The following SNX13 variants were observed in gnomAD, a reference collection of about 807,000 sequenced individuals.
SNX13 encodes sorting nexin 13.
SNX13 carries 45 observed loss-of-function variants against 133.6 expected under a neutral mutation model. The ratio of observed to expected loss-of-function variants is 0.34; its 90% CI spans 0.27 to 0.43. The LOEUF is 0.43. Ranked by LOEUF, SNX13 falls within the 20% of genes least tolerant of loss-of-function variation. The pLI is 1.00. For missense variants in SNX13, 1,032 were observed against 1,145.1 expected (o/e 0.90, Z 1.43); for synonymous variants, 414 against 373.9 (o/e 1.11, Z -1.24).
chr7:17,886,726 T>C (rs1004424084), intron 5 of SNX13, among the ~76,000 whole-genome samples: 5 of 152,178 alleles, frequency 3.3e-5, no homozygotes, highest in Non-Finnish European at 5.9e-5. Context: ...TACACTATCC[T>C]TATCTTCTTT....
At chr7:17,873,473 A>T (rs1402354152) in intron 8 of SNX13, 55 bp downstream of exon 8, 6 of 1,267,340 alleles carry the variant, frequency 4.7e-6, no homozygotes, top group Non-Finnish European at 5.2e-6. Flanking sequence ...AAAATTTTGA[A>T]AACTACTGCT....
Position 17,890,419 on chromosome 7 carries a change from A to G in SNX13, c.384T>C (p.Ser128=). The part of the protein sequence containing the change: ...YWYYTLSDDE[S]FLLEIRQTLQ... ...GAGTCTGCCTAATTTCAAGAAGAAAAGATTCATCATCGCTTAGTGTATAAT... is the reference window on the plus strand; with the variant it reads ...GAGTCTGCCTAATTTCAAGAAGAAAGGATTCATCATCGCTTAGTGTATAAT... The change falls in exon 5 of 26, where the codon TCT becomes TCC. Residue 128 remains serine (S), a synonymous_variant. Transcript: ENST00000428135. 1 of 1,611,416 alleles carries G rather than the reference A, an allele frequency of 6.2e-7. No individual in the cohort carries two copies. Among genetic ancestry groups the G allele is most frequent in the Non-Finnish European group, 8.5e-7 (1 of 1,178,194 alleles).
chr7:17,833,182 G>T (rs1194418433), intron 15 of SNX13, among the ~76,000 whole-genome samples: 1 of 151,552 alleles, frequency 6.6e-6, no homozygotes, highest in Non-Finnish European at 1.5e-5. Context: ...AAATACTTCT[G>T]AATTGAATCA....
chr7:17,851,868 C>T (rs1042405562), intron 9 of SNX13, among the ~76,000 whole-genome samples: 3 of 152,032 alleles, frequency 2.0e-5, no homozygotes, highest in Non-Finnish European at 2.9e-5. Flanking sequence ...CACAGAAATA[C>T]GCATTTTAAA....
intron 1 of SNX13, among the ~76,000 whole-genome samples, chr7:17,928,957 T>C (rs530099620): frequency 3.3e-5 from 5 of 151,954 alleles, no homozygotes; most frequent in African/African-American, 1.2e-4. Flanking sequence ...ATTCTATTTG[T>C]TACCCTTTTA....
intron 15 of SNX13, chr7:17,832,347 G>A (rs12531506): frequency 0.09 from 88,353 of 984,250 alleles, 4,292 homozygotes; most frequent in South Asian, 0.15. Flanking sequence ...GCATTCTTAA[G>A]TTACAGGATC....
intron 21 of SNX13, 92 bp from the exon 22 acceptor site, chr7:17,801,751 T>G (rs900341576): frequency 1.2e-5 from 11 of 916,938 alleles, no homozygotes; most frequent in Middle Eastern, 4.4e-4. Flanking sequence ...GTATCAGCAT[T>G]TGATCTGACT....
At position 17,873,593 on chromosome 7, in the gene SNX13, C is replaced by T; in HGVS notation, c.688G>A (p.Val230Ile). Residue 230 changes from valine to isoleucine, a missense_variant, in exon 8 of 26, where the codon GTC becomes ATC. Val to Ile is a conservative substitution (Grantham distance 29, BLOSUM62 3). Transcript: ENST00000428135. The part of the protein sequence containing the change: ...EEGFLRDLCE[V>I]LLYLLLPPGD... The stretch of plus-strand genomic sequence containing the variant: ...GGAGGTAGCAATAAATATAGTAAGA[C>T]CTCACACAAATCCCTTAGGAATCCT... The T allele has an allele frequency of 6.4e-7, 1 of 1,571,460 alleles. No homozygotes were observed. Among genetic ancestry groups the T allele is most frequent in the Non-Finnish European group, 8.6e-7 (1 of 1,159,750 alleles).
intron 11 of SNX13, among the ~76,000 whole-genome samples, chr7:17,848,672 G>A (rs78316024): frequency 0.016 from 2,494 of 152,304 alleles, 69 homozygotes; most frequent in African/African-American, 0.057. Context: ...CGCGAGGGGT[G>A]GAATACAGTG....
chr7:17,891,778 C>G, intron 3 of SNX13, 143 bp from the exon 4 acceptor site: 1 of 517,932 alleles, frequency 1.9e-6, no homozygotes, highest in Non-Finnish European at 3.3e-6. Flanking sequence ...ACTCTATAAG[C>G]CAAACACTAT....
At chr7:17,847,376 G>C (rs1790670050) in intron 11 of SNX13, among the ~76,000 whole-genome samples, 2 of 152,014 alleles carry the variant, frequency 1.3e-5, no homozygotes, top group Admixed American at 1.3e-4. Context: ...TTGTTGCCCA[G>C]GCTGGAGTGC....
At position 17,801,568 on chromosome 7, in the gene SNX13, C is replaced by G. The variant is rs750064261; in HGVS notation, c.2298+20G>C. On this transcript the variant is annotated intron_variant, in intron 22 of 25. Transcript: ENST00000428135. ...AAGTATGACTTAAACTAAATACTAC[C>G]AAGAATAAAATTAACTCACATTATC... The G allele has an allele frequency of 1.9e-6, 3 of 1,586,448 alleles. No individual in the cohort carries two copies. The highest frequency in any genetic ancestry group is 2.3e-5 in the East Asian group (1 of 44,258).
intron 1 of SNX13, among the ~76,000 whole-genome samples, chr7:17,921,781 C>A (rs540595314): frequency 4.6e-5 from 7 of 152,324 alleles, no homozygotes; most frequent in African/African-American, 1.4e-4. Flanking sequence ...GATATAAGAG[C>A]ATTGTTAGTT....
chr7:17,829,143 T>C (rs1160917431), intron 16 of SNX13, among the ~76,000 whole-genome samples: 1 of 151,644 alleles, frequency 6.6e-6, no homozygotes, highest in South Asian at 2.1e-4. Flanking sequence ...GAAGCAGACA[T>C]GGTAGTACAG....
At position 17,898,661 on chromosome 7, in the gene SNX13, G is replaced by A. The variant is rs535725914; in HGVS notation, c.13-1215C>T. Among the ~76,000 whole-genome samples, 5 of 152,224 alleles carry A rather than the reference G, an allele frequency of 3.3e-5. No homozygotes were observed. The East Asian group carries it at 9.6e-4, about 29-fold the overall frequency. On this transcript the variant is annotated intron_variant, in intron 1 of 25. Coordinates refer to ENST00000428135, the MANE Select transcript of SNX13 (RefSeq NM_015132.5). ...AAGTAAATATATAGTTATATCACAC[G>A]GGGATAAGTGCTATGGAGAAAAATA...
intron 1 of SNX13, chr7:17,900,054 G>A (rs1378506856): frequency 6.6e-6 from 1 of 152,186 alleles, no homozygotes; most frequent in African/African-American, 2.4e-5. Flanking sequence ...TAATGTTGTG[G>A]CTCTGAAAGA....
chr7:17,879,691 C>G (rs1795125000), intron 5 of SNX13: 1 of 152,230 alleles, frequency 6.6e-6, no homozygotes, highest in African/African-American at 2.4e-5. Context: ...TCCATCTATT[C>G]TAAGCAGTGT....
At position 17,850,386 on chromosome 7, in the gene SNX13, C is replaced by T. The variant is rs1446830621; in HGVS notation, c.1026G>A (p.Lys342=). The change falls in exon 11 of 26, where the codon AAG becomes AAA. Residue 342 remains lysine (K), a synonymous_variant. Coordinates refer to ENST00000428135, the MANE Select transcript of SNX13 (RefSeq NM_015132.5). The stretch of plus-strand genomic sequence containing the variant: ...ATCGCTGTATTCTTGAGTCACATAC[C>T]TTCTTTACGAATAGTAAGCTATTTA... ...NQINSLLFVK[K]VCDSRIQRLQ... 1 of 1,595,414 alleles carries T rather than the reference C, an allele frequency of 6.3e-7. No individual in the cohort carries two copies. Among genetic ancestry groups the T allele is most frequent in the African/African-American group, 1.3e-5 (1 of 74,618 alleles).
In SNX13 at chr7:17,823,591, T is replaced by G. The variant is rs527652468; in HGVS notation, c.1706-1943A>C. 4.6e-5 allele frequency among the ~76,000 whole-genome samples: 7 copies of G among 152,352 alleles called. No homozygotes were observed. The South Asian group carries it at 1.2e-3, about 27-fold the overall frequency. ...CCTTTCCATCTATTATCACTGTTTC[T>G]GATTTAACAAAGTATATGACTAGAA... On this transcript the variant is annotated intron_variant, in intron 17 of 25. Coordinates refer to ENST00000428135, the MANE Select transcript of SNX13 (RefSeq NM_015132.5).
Sources: gnomAD v4.1 joint callset for allele counts (sites outside exome capture counted in the v4.1 genomes callset) on GRCh38, gnomAD v4.1.1 for gene constraint, MANE v1.5 for transcripts, NCBI Gene and HGNC (gene_info 2026-07-23, HGNC 2026-07-21) for gene names.